The following NSD2 variants were observed in gnomAD, a reference collection of about 807,000 sequenced individuals.
NSD2 encodes histone-lysine N-methyltransferase NSD2.
NSD2 carries 12 observed loss-of-function variants against 139.0 expected under a neutral mutation model. The ratio of observed to expected loss-of-function variants is 0.09; its 90% CI spans 0.06 to 0.14. The LOEUF (loss-of-function observed/expected upper bound fraction) is 0.14. NSD2 is among the 10% of genes least tolerant of loss of function. The pLI, the probability that NSD2 is intolerant of heterozygous loss-of-function variation, is 1.00. For missense variants in NSD2, 1,155 were observed against 1,745.0 expected (o/e 0.66, Z 6.02); for synonymous variants, 669 against 648.7 (o/e 1.03, Z -0.48).
In NSD2 at chr4:1,978,275, C is replaced by G. The variant is rs543677241; in HGVS notation, c.3827-363C>G. Reference sequence around the variant, plus strand: ...GAGTCATGCCAGAAAGATGAATACCCAAGTTGAAAATCAGTCCCTTGGGAG... The same window carrying G: ...GAGTCATGCCAGAAAGATGAATACCGAAGTTGAAAATCAGTCCCTTGGGAG... On this transcript the variant is annotated intron_variant, in intron 21 of 21. Transcript: ENST00000508803. Among the ~76,000 whole-genome samples, 121 of 152,276 alleles carry G rather than the reference C, an allele frequency of 7.9e-4. 1 individual carries two copies. The highest frequency in any genetic ancestry group is 1.4e-3 in the Non-Finnish European group (95 of 68,014).
At chr4:1,894,283 C>T (rs1288711813) in intron 1 of NSD2, among the ~76,000 whole-genome samples, 1 of 152,168 alleles carries the variant, frequency 6.6e-6, no homozygotes, top group Non-Finnish European at 1.5e-5. Context: ...CCTCCATGTT[C>T]TGTCATTTCA....
At position 1,981,025 on chromosome 4, in the gene NSD2, G is replaced by A. The variant is rs1727707904; in HGVS notation, c.*2116G>A. The A allele has an allele frequency of 1.3e-5, 3 of 233,304 alleles. No individual in the cohort carries two copies. In the South Asian group the frequency reaches 5.4e-4, roughly 42 times the overall value. 14.5% of individuals were successfully genotyped at this position (233,304 alleles called of 1,614,324 possible). ...TTCCGGCAGGTAAGGGACTACCAAT[G>A]CTTACGTCAAAACAGCAGAATCGGC... On this transcript the variant is annotated 3_prime_UTR_variant, in exon 22 of 22. Transcript: ENST00000508803.
rs917875512 is a variant in NSD2 at position 1,958,041 on chromosome 4, CG to C, written c.2985+6del. ...CCACCATACAAGCACATCAAGGTGG[CG>C]TGTGGGAGCTGCGTGCACGCGTGTG... On this transcript the variant is annotated splice_donor_region_variant and intron_variant, in intron 16 of 21. Coordinates refer to ENST00000508803, the MANE Select transcript of NSD2 (RefSeq NM_001042424.3). This position sits in a 1 kb window ranked among gnomAD's most constrained non-coding sequence, Gnocchi z 4.6. The C allele has an allele frequency of 3.1e-6, 5 of 1,612,704 alleles. No individual in the cohort carries two copies. In the African/African-American group the frequency reaches 6.7e-5, roughly 22 times the overall value.
intron 9 of NSD2, 195 bp downstream of exon 9, chr4:1,939,973 C>T: frequency 2.1e-6 from 3 of 1,437,130 alleles, no homozygotes; most frequent in Admixed American, 5.4e-5. Flanking sequence ...TTTATTTGAG[C>T]ACTTTTTATA....
At chr4:1,918,859 G>A (rs1350434932) in intron 5 of NSD2, 3 of 495,852 alleles carry the variant, frequency 6.1e-6, no homozygotes, top group African/African-American at 1.9e-5. Context: ...AGAAGATACC[G>A]AGAACAGGCC....
chr4:1,981,647 T>G lies in NSD2; in HGVS notation c.*2738T>G, dbSNP rs1485392839. The G allele has an allele frequency of 2.6e-6, 1 of 388,244 alleles. No individual in the cohort carries two copies. The highest frequency in any genetic ancestry group is 4.5e-6 in the Non-Finnish European group (1 of 219,926). The allele number at this position is 388,244 out of a possible 1,614,324, so 24.0% of individuals were successfully genotyped here. A position where few individuals can be genotyped will look rare whatever the true frequency, so the allele number is the denominator to read the frequency against. On this transcript the variant is annotated 3_prime_UTR_variant, in exon 22 of 22. Coordinates refer to ENST00000508803, the MANE Select transcript of NSD2 (RefSeq NM_001042424.3). ...CAGCTGTCCGTCCTCAGGCCGGCCT[T>G]TCTTCCGGCGACACCCGTCCATGGC...
intron 2 of NSD2, among the ~76,000 whole-genome samples, chr4:1,902,369 G>A (rs1717300606): frequency 1.3e-5 from 2 of 152,084 alleles, no homozygotes; most frequent in African/African-American, 4.8e-5. Flanking sequence ...GACCACAGGT[G>A]TGCACCACTA....
At chr4:1,879,368 G>A (rs1291025252) in intron 1 of NSD2, among the ~76,000 whole-genome samples, 3 of 151,912 alleles carry the variant, frequency 2.0e-5, no homozygotes, top group Non-Finnish European at 2.9e-5. Flanking sequence ...ACAGGCGCCC[G>A]CCACCATGCC....
chr4:1,930,852 A>G, intron 6 of NSD2, 82 bp downstream of exon 6: 2 of 1,494,460 alleles, frequency 1.3e-6, no homozygotes, highest in Non-Finnish European at 1.8e-6. Context: ...TTGGAACCGT[A>G]GGGAAGTGTG....
intron 9 of NSD2, chr4:1,943,719 A>C: frequency 9.5e-7 from 1 of 1,055,206 alleles, no homozygotes; most frequent in Non-Finnish European, 1.1e-6. Context: ...AGTAAAATTA[A>C]AATTCTCAAA....
chr4:1,915,261 G>A (rs1327553361), intron 3 of NSD2, among the ~76,000 whole-genome samples: 5 of 151,438 alleles, frequency 3.3e-5, no homozygotes, highest in African/African-American at 4.8e-5. Flanking sequence ...GGCTACAGGC[G>A]CCCACCACCA....
chr4:1,942,566 G>T lies in NSD2; in HGVS notation c.1881+2788G>T. ...ACAGATAACAAATTTTAAGACCAAG[G>T]TAAGATAACTAATCAAGGCCATTTA... On this transcript the variant is annotated intron_variant, in intron 9 of 21. Transcript: ENST00000508803. This position sits in a 1 kb window ranked among gnomAD's most constrained non-coding sequence, Gnocchi z 4.0. The T allele has an allele frequency of 7.3e-7, 1 of 1,367,048 alleles. No individual in the cohort carries two copies. The highest frequency in any genetic ancestry group is 2.6e-5 in the East Asian group (1 of 37,764). 84.7% of individuals were successfully genotyped at this position (1,367,048 alleles called of 1,614,324 possible). A position where few individuals can be genotyped will look rare whatever the true frequency, so the allele number is the denominator to read the frequency against.
rs1418109519 is a variant in NSD2 at position 1,918,499 on chromosome 4, C to A, written c.1286C>A (p.Ala429Asp). 1 of 1,613,898 alleles carries A rather than the reference C, an allele frequency of 6.2e-7. No individual in the cohort carries two copies. Among genetic ancestry groups the A allele is most frequent in the Non-Finnish European group, 8.5e-7 (1 of 1,179,978 alleles). The change falls in exon 5 of 22, where the codon GCT becomes GAT. Residue 429 changes from alanine (A) to aspartate (D), a missense_variant. Physicochemically the swap from Ala to Asp is moderately radical, Grantham distance 126. This residue lies in a region of NSD2 where 420 missense variants were observed against 469.0 expected (regional missense o/e 0.90). Transcript: ENST00000508803. ...GKSTPQKTAEADPRRGVGSPP... is the reference protein window; with the variant it reads ...GKSTPQKTAEDDPRRGVGSPP... ...AGTACTCCTCAAAAGACGGCAGAGGCTGACCCCAGAAGAGGAGTAGGGTCT... is the reference window on the plus strand; with the variant it reads ...AGTACTCCTCAAAAGACGGCAGAGGATGACCCCAGAAGAGGAGTAGGGTCT...
intron 8 of NSD2, chr4:1,939,397 A>AC (rs1722838624): frequency 2.1e-6 from 1 of 475,408 alleles, no homozygotes; most frequent in South Asian, 2.8e-5. Flanking sequence ...GGGACGTGGA[A>AC]CCAGGTATGG....
At position 1,951,141 on chromosome 4, in the gene NSD2, G is replaced by A. The variant is rs1383119383; in HGVS notation, c.1951G>A (p.Val651Ile). 6.2e-7 allele frequency: 1 copy of A among 1,614,244 alleles called. No homozygotes were observed. The highest frequency in any genetic ancestry group is 8.5e-7 in the Non-Finnish European group (1 of 1,180,040). ...AAGTGCAGACGAAACACAAACTGAA[G>A]TATCTGTCTCATCCAAAAAGTCTGA... ...YESADETQTE[V>I]SVSSKKSERG... Residue 651 changes from valine (V) to isoleucine (I), a missense_variant, in exon 10 of 22, where the codon GTA becomes ATA. By Grantham distance (29) the Val-to-Ile change is conservative (BLOSUM62 3). This residue lies in a region of NSD2 where 420 missense variants were observed against 469.0 expected (regional missense o/e 0.90). Coordinates refer to ENST00000508803, the MANE Select transcript of NSD2 (RefSeq NM_001042424.3).
Position 1,959,544 on chromosome 4 carries a change from C to T in NSD2, c.3059C>T (p.Pro1020Leu). ...GAAATCCCTAAGTGCAACTGCAAGC[C>T]CACAGATGAGAATCCTTGTGGCTTT... ...ISEIPKCNCK[P>L]TDENPCGFDS... Residue 1020 changes from proline (P) to leucine (L), a missense_variant, in exon 17 of 22, where the codon CCC (proline) becomes CTC (leucine). Pro to Leu is a moderately conservative substitution (Grantham distance 98). Around this residue, in one of 8 missense-constraint regions of NSD2, gnomAD observed 139 missense variants for 485.8 expected, o/e 0.29. Transcript: ENST00000508803. 1 of 1,614,164 alleles carries T rather than the reference C, an allele frequency of 6.2e-7. No homozygotes were observed. Among genetic ancestry groups the T allele is most frequent in the Non-Finnish European group, 8.5e-7 (1 of 1,180,032 alleles).
rs567923470 is a variant in NSD2 at position 1,958,614 on chromosome 4, G to C, written c.2985+578G>C. Among the ~76,000 whole-genome samples, 3 of 152,260 alleles carry C rather than the reference G, an allele frequency of 2.0e-5. No homozygotes were observed. Among genetic ancestry groups the C allele is most frequent in the Non-Finnish European group, 4.4e-5 (3 of 68,044 alleles). ...CAGGAGCCTCGTGGCCGTTCCTGAC[G>C]AGTGTTTGTGATAAGTGTGTGCCGG... On this transcript the variant is annotated intron_variant, in intron 16 of 21. Transcript: ENST00000508803. This position sits in a 1 kb window ranked among gnomAD's most constrained non-coding sequence, Gnocchi z 4.6.
intron 2 of NSD2, among the ~76,000 whole-genome samples, chr4:1,903,395 A>T (rs1457470817): frequency 6.6e-6 from 1 of 152,168 alleles, no homozygotes; most frequent in Non-Finnish European, 1.5e-5. Flanking sequence ...GGAGAAATTG[A>T]GGCTCAGAGA....
At chr4:1,939,951 G>A in intron 9 of NSD2, 173 bp downstream of exon 9, 1 of 1,463,084 alleles carries the variant, frequency 6.8e-7, no homozygotes, top group Non-Finnish European at 9.0e-7. Context: ...GACAAACAGT[G>A]CACTATGTTA....
Sources: gnomAD v4.1 joint callset for allele counts (sites outside exome capture counted in the v4.1 genomes callset) on GRCh38, gnomAD v4.1.1 for gene constraint, gnomAD v4.1.1 regional missense constraint, Gnocchi (gnomAD v3.1) non-coding constraint, MANE v1.5 for transcripts, NCBI Gene and HGNC (gene_info 2026-07-23, HGNC 2026-07-21) for gene names.